DHRS7B: variants seen among roughly 807,000 people sequenced by gnomAD.
DHRS7B encodes the protein dehydrogenase/reductase 7B.
DHRS7B carries 24 observed loss-of-function variants against 26.4 expected under a neutral mutation model. That is an observed-to-expected ratio of 0.91 (90% CI 0.66 to 1.28). The LOEUF (loss-of-function observed/expected upper bound fraction) is 1.28, where lower values mean the gene tolerates loss of function less well. DHRS7B is among the 50% of genes most tolerant of loss of function. DHRS7B has a pLI of 0.00. For synonymous variants in DHRS7B, 142 were observed against 166.4 expected, an observed-to-expected ratio of 0.85 and a Z score of 1.13; for missense variants, 368 against 419.4, an observed-to-expected ratio of 0.88 and a Z score of 1.07.
At chr17:21,161,283 CTGTACT>C (rs1356048264) in intron 1 of DHRS7B, among the ~76,000 whole-genome samples, 1 of 152,144 alleles carries the variant, frequency 6.6e-6, no homozygotes, top group Non-Finnish European at 1.5e-5. Flanking sequence ...ATGGGGGAGG[CTGTACT>C]TGTGTGGACA....
intron 1 of DHRS7B, among the ~76,000 whole-genome samples, chr17:21,164,813 A>G (rs1974075755): frequency 6.6e-6 from 1 of 152,170 alleles, no homozygotes; most frequent in Non-Finnish European, 1.5e-5. Context: ...ACCAGAGGGC[A>G]CTTGAGAAGT....
rs770401773 is a variant in DHRS7B at position 21,172,072 on chromosome 17, G to A, written c.75G>A (p.Leu25=). 2.5e-6 allele frequency: 4 copies of A among 1,614,090 alleles called. No individual in the cohort carries two copies. The highest frequency in any genetic ancestry group is 1.3e-5 in the African/African-American group (1 of 74,926). Residue 25 remains leucine, a synonymous_variant, in exon 2 of 7, where the codon CTG becomes CTA. Coordinates refer to ENST00000395511, the MANE Select transcript of DHRS7B (RefSeq NM_015510.5). ...ACTTCATCACCTCCACAGCCATCCTGCCCCTGCTGTTCGGCTGCCTGGGCG... is the reference window on the plus strand; with the variant it reads ...ACTTCATCACCTCCACAGCCATCCTACCCCTGCTGTTCGGCTGCCTGGGCG... ...AMDFITSTAI[L]PLLFGCLGVF...
chr17:21,173,605 G>C (rs920113531), intron 2 of DHRS7B, among the ~76,000 whole-genome samples: 5 of 152,186 alleles, frequency 3.3e-5, no homozygotes, highest in African/African-American at 1.2e-4. Flanking sequence ...GGGGTGGCCT[G>C]GGAAAGCTTT....
intron 6 of DHRS7B, 107 bp from the exon 7 acceptor site, chr17:21,190,841 A>C: frequency 8.9e-7 from 1 of 1,128,838 alleles, no homozygotes; most frequent in Non-Finnish European, 1.3e-6. Flanking sequence ...GAAGAGCTTC[A>C]TGGTGGGAAA....
intron 2 of DHRS7B, 50 bp from the exon 3 acceptor site, chr17:21,178,183 G>C (rs780756368): frequency 2.6e-6 from 4 of 1,565,506 alleles, no homozygotes; most frequent in Non-Finnish European, 3.5e-6. Context: ...AATTTAAACT[G>C]AACGGCACTG....
At chr17:21,187,397 C>T (rs528754014) in intron 5 of DHRS7B, among the ~76,000 whole-genome samples, 6 of 151,566 alleles carry the variant, frequency 4.0e-5, no homozygotes, top group Admixed American at 6.6e-5. Flanking sequence ...AGGCTGAGGT[C>T]GGTGCATCAC....
chr17:21,142,652 C>T (rs574936347), intron 1 of DHRS7B, among the ~76,000 whole-genome samples: 1 of 152,184 alleles, frequency 6.6e-6, no homozygotes, highest in South Asian at 2.1e-4. Context: ...GCAGGGACAA[C>T]TCAAAGCAAG....
intron 1 of DHRS7B, 113 bp from the exon 2 acceptor site, chr17:21,171,905 C>A (rs1463687936): frequency 7.6e-7 from 1 of 1,316,360 alleles, no homozygotes; most frequent in Non-Finnish European, 1.1e-6. Context: ...GGGCTTAGAG[C>A]TGGAGTCCAC....
intron 1 of DHRS7B, among the ~76,000 whole-genome samples, chr17:21,145,845 G>A (rs1973631579): frequency 6.6e-6 from 1 of 152,192 alleles, no homozygotes; most frequent in African/African-American, 2.4e-5. Context: ...ATGATGTTTA[G>A]TAGGTTAGGT....
chr17:21,172,957 T>C (rs1401123857), intron 2 of DHRS7B, among the ~76,000 whole-genome samples: 1 of 152,216 alleles, frequency 6.6e-6, no homozygotes, highest in African/African-American at 2.4e-5. Context: ...GCACACACCA[T>C]ACCATCTGCC....
intron 1 of DHRS7B, among the ~76,000 whole-genome samples, chr17:21,170,700 T>C (rs1020689109): frequency 2.0e-5 from 3 of 152,156 alleles, no homozygotes; most frequent in East Asian, 3.8e-4. Flanking sequence ...TAGAATCCTC[T>C]TGTAGGGGGC....
At chr17:21,141,261 T>C (rs970294257) in intron 1 of DHRS7B, among the ~76,000 whole-genome samples, 1 of 152,262 alleles carries the variant, frequency 6.6e-6, no homozygotes, top group Admixed American at 6.5e-5. Flanking sequence ...ACCCTTTTTC[T>C]TCTCAACTGA....
intron 5 of DHRS7B, 139 bp downstream of exon 5, chr17:21,184,602 C>T (rs1974589876): frequency 1.2e-6 from 1 of 832,376 alleles, no homozygotes; most frequent in Admixed American, 2.8e-5. Flanking sequence ...AATGTGTTCT[C>T]CAGAGCCACA....
At chr17:21,127,238 G>A (rs1973120257) in intron 1 of DHRS7B, 1 of 481,220 alleles carries the variant, frequency 2.1e-6, no homozygotes, top group Non-Finnish European at 3.6e-6. Context: ...GGTGTCTTGA[G>A]TCCAGTTTCC....
At chr17:21,142,342 C>G (rs1567617569) in intron 1 of DHRS7B, among the ~76,000 whole-genome samples, 1 of 152,170 alleles carries the variant, frequency 6.6e-6, no homozygotes, top group South Asian at 2.1e-4. Flanking sequence ...GGTCAGGGGT[C>G]GAATTTTAAC....
intron 1 of DHRS7B, among the ~76,000 whole-genome samples, chr17:21,132,348 A>AAAAAAAT (rs1491147235): frequency 9.6e-5 from 12 of 125,044 alleles, no homozygotes; most frequent in African/African-American, 3.5e-4. Context: ...AAAAAAAAAA[A>AAAAAAAT]ATATATATAT....
intron 1 of DHRS7B, among the ~76,000 whole-genome samples, chr17:21,163,012 A>T (rs1163273544): frequency 1.3e-5 from 2 of 152,088 alleles, no homozygotes; most frequent in Admixed American, 1.3e-4. Context: ...CCTGGCCAGC[A>T]TGGAGAAACC....
chr17:21,169,792 C>T (rs1469911730), intron 1 of DHRS7B, among the ~76,000 whole-genome samples: 1 of 152,086 alleles, frequency 6.6e-6, no homozygotes, highest in Non-Finnish European at 1.5e-5. Context: ...GGGGTTTCCA[C>T]CCAACACGCC....
chr17:21,183,904 A>C, intron 4 of DHRS7B, 94 bp downstream of exon 4: 19 of 1,097,680 alleles, frequency 1.7e-5, no homozygotes, highest in Non-Finnish European at 2.3e-5. Context: ...CCCCATCTCC[A>C]TCCTCTCTGT....
Sources: gnomAD v4.1 joint callset for allele counts (sites outside exome capture counted in the v4.1 genomes callset) on GRCh38, gnomAD v4.1.1 for gene constraint, MANE v1.5 for transcripts, NCBI Gene and HGNC (gene_info 2026-07-23, HGNC 2026-07-21) for gene names.